The following INVS variants were observed in gnomAD, a reference collection of about 807,000 sequenced individuals.
INVS encodes inversin.
In INVS, 86 loss-of-function variants were observed where a neutral mutation model predicts 108.8. That is an observed-to-expected ratio of 0.79 (90% CI 0.66 to 0.95). The LOEUF is 0.95. Among genes scored for constraint, INVS ranks in the 40% least tolerant of loss-of-function variants. The probability of loss-of-function intolerance (pLI) is 0.00; values close to 1 mark genes in which losing one functional copy is unlikely to be tolerated. For synonymous variants in INVS, 455 were observed against 473.5 expected, an observed-to-expected ratio of 0.96 and a Z score of 0.51; for missense variants, 1,169 against 1,297.4, an observed-to-expected ratio of 0.90 and a Z score of 1.52.
chr9:100,151,068 G>A (rs1828793741), intron 3 of INVS, among the ~76,000 whole-genome samples: 1 of 152,156 alleles, frequency 6.6e-6, no homozygotes, highest in South Asian at 2.1e-4. Context: ...AAGACTTAAA[G>A]GAGGTGAGAA....
intron 3 of INVS, among the ~76,000 whole-genome samples, chr9:100,131,430 C>T (rs1366186213): frequency 1.3e-5 from 2 of 152,100 alleles, no homozygotes; most frequent in Non-Finnish European, 2.9e-5. Context: ...GTCCAAGAAA[C>T]TGAAGAAATG....
rs200314659 is a variant in INVS at position 100,301,139 on chromosome 9, T to TCTCACACA, written c.*466_*467insTCACACAC. 1,826 of 167,838 alleles carry TCTCACACA rather than the reference T, an allele frequency of 0.011. 34 individuals carry two copies. The highest frequency in any genetic ancestry group is 0.02 in the Admixed American group (281 of 13,802). The allele number at this position is 167,838 out of a possible 1,614,324, so 10.4% of individuals were successfully genotyped here. On this transcript the variant is annotated 3_prime_UTR_variant, in exon 17 of 17. Coordinates refer to ENST00000262457, the MANE Select transcript of INVS (RefSeq NM_014425.5). ...CCTGGCATCTAATGCAACAAACTTA[T>TCTCACACA]CACACACACACACACACACACACAC...
chr9:100,100,588 T>C (rs1261240987), intron 1 of INVS, among the ~76,000 whole-genome samples: 1 of 96,670 alleles, frequency 1.0e-5, no homozygotes, highest in Non-Finnish European at 1.9e-5. Context: ...ATAATATATA[T>C]AATATATGTA....
intron 2 of INVS, among the ~76,000 whole-genome samples, chr9:100,107,596 C>CT (rs1175600329): frequency 6.6e-6 from 1 of 152,168 alleles, no homozygotes; most frequent in Non-Finnish European, 1.5e-5. Flanking sequence ...TCCCTATTCT[C>CT]TGTCTGAATA....
chr9:100,157,761 G>C (rs998977905), intron 3 of INVS, among the ~76,000 whole-genome samples: 3 of 152,230 alleles, frequency 2.0e-5, no homozygotes, highest in Middle Eastern at 6.8e-3. Context: ...TGCAATTCCT[G>C]CAGTTCCTTA....
intron 3 of INVS, among the ~76,000 whole-genome samples, chr9:100,169,042 GA>G (rs546562535): frequency 3.9e-5 from 6 of 152,164 alleles, no homozygotes; most frequent in Admixed American, 3.9e-4. Flanking sequence ...ACTATTAATA[GA>G]AAAAATAAGT....
At position 100,100,845 on chromosome 9, in the gene INVS, TAA is replaced by T. The variant is rs370462319; in HGVS notation, c.-25+1430_-25+1431del. Among the ~76,000 whole-genome samples the T allele has an allele frequency of 3.5e-3, 39 of 11,052 alleles. 10 individuals carry two copies. The highest frequency in any genetic ancestry group is 0.015 in the African/African-American group (23 of 1,504). 7.3% of individuals were successfully genotyped at this position (11,052 alleles called of 152,430 possible). On this transcript the variant is annotated intron_variant, in intron 1 of 16. Transcript: ENST00000262457. ...AATATATGTATATATAATATATATA[TAA>T]TATATGTATATATAATATATATATT...
At chr9:100,131,302 A>T in intron 3 of INVS, among the ~76,000 whole-genome samples, 1 of 152,108 alleles carries the variant, frequency 6.6e-6, no homozygotes, top group South Asian at 2.1e-4. Flanking sequence ...CCTTTTGTTT[A>T]TTGGAAACAT....
intron 5 of INVS, among the ~76,000 whole-genome samples, chr9:100,239,835 G>A (rs1305227075): frequency 1.3e-5 from 2 of 152,016 alleles, no homozygotes; most frequent in African/African-American, 2.4e-5. Context: ...AGCCAGGTGT[G>A]GTGGGATGTG....
chr9:100,221,937 A>C (rs7853585), intron 3 of INVS, among the ~76,000 whole-genome samples: 26,153 of 152,190 alleles, frequency 0.17, 3,363 homozygotes, highest in African/African-American at 0.37. Context: ...TGTATATGAA[A>C]AAAATAGTAT....
At chr9:100,283,771 C>T (rs907541042) in intron 12 of INVS, among the ~76,000 whole-genome samples, 1 of 152,228 alleles carries the variant, frequency 6.6e-6, no homozygotes, top group African/African-American at 2.4e-5. Flanking sequence ...GGATCTGACT[C>T]ATTAGCTAGA....
chr9:100,230,587 C>T (rs1181471481), intron 5 of INVS, among the ~76,000 whole-genome samples: 3 of 152,110 alleles, frequency 2.0e-5, no homozygotes, highest in South Asian at 2.1e-4. Flanking sequence ...GGCATGATCT[C>T]GGCTTACTGC....
intron 2 of INVS, among the ~76,000 whole-genome samples, chr9:100,104,898 T>C (rs911755408): frequency 1.3e-5 from 2 of 152,196 alleles, no homozygotes; most frequent in African/African-American, 4.8e-5. Flanking sequence ...AATGAATTCA[T>C]CTTTATGTTA....
chr9:100,155,919 G>A (rs1209118069), intron 3 of INVS, among the ~76,000 whole-genome samples: 4 of 152,124 alleles, frequency 2.6e-5, no homozygotes, highest in Non-Finnish European at 5.9e-5. Context: ...TTATATTTCT[G>A]AATTTCATAG....
chr9:100,198,525 A>T (rs1830450521), intron 3 of INVS, among the ~76,000 whole-genome samples: 1 of 151,166 alleles, frequency 6.6e-6, no homozygotes, highest in African/African-American at 2.4e-5. Context: ...TCCTGACTTC[A>T]GGTGATCCGC....
chr9:100,231,341 C>G lies in INVS; in HGVS notation c.615+1514C>G, dbSNP rs566933966. ...CCTTCTAAAGTTATTATTTTACATCCTGAAATATAGTTCTTAGATTTTTTT... is the reference window on the plus strand; with the variant it reads ...CCTTCTAAAGTTATTATTTTACATCGTGAAATATAGTTCTTAGATTTTTTT... On this transcript the variant is annotated intron_variant, in intron 5 of 16. Coordinates refer to ENST00000262457, the MANE Select transcript of INVS (RefSeq NM_014425.5). 2.0e-5 allele frequency among the ~76,000 whole-genome samples: 3 copies of G among 152,006 alleles called. No homozygotes were observed. The East Asian group carries it at 5.8e-4, about 29-fold the overall frequency.
At chr9:100,266,915 TC>T (rs1187193826) in intron 11 of INVS, among the ~76,000 whole-genome samples, 1 of 149,856 alleles carries the variant, frequency 6.7e-6, no homozygotes, top group Non-Finnish European at 1.5e-5. Context: ...TACGTCCATC[TC>T]AGAGGAAACA....
chr9:100,184,909 T>G lies in INVS; in HGVS notation c.274-41153T>G, dbSNP rs548582174. On this transcript the variant is annotated intron_variant, in intron 3 of 16. Coordinates refer to ENST00000262457, the MANE Select transcript of INVS (RefSeq NM_014425.5). ...AAAATGACAGGAGTAGATACTCAAG[T>G]TACAATTAATTTGTGATCCTTTGCT... is the stretch of plus-strand genomic sequence containing the variant. 1.3e-4 allele frequency among the ~76,000 whole-genome samples: 20 copies of G among 152,308 alleles called. No homozygotes were observed. The South Asian group carries it at 1.7e-3, about 13-fold the overall frequency.
chr9:100,266,907 C>T (rs184664273), intron 11 of INVS, among the ~76,000 whole-genome samples: 52 of 151,532 alleles, frequency 3.4e-4, no homozygotes, highest in Admixed American at 1.2e-3. Context: ...GACTTCTCTA[C>T]GTCCATCTCA....
Sources: allele counts gnomAD v4.1 joint callset (sites outside exome capture counted in the v4.1 genomes callset), GRCh38; gene constraint gnomAD v4.1.1; transcripts MANE v1.5; gene names NCBI Gene and HGNC (gene_info 2026-07-23, HGNC 2026-07-21).